ANKFN1: variants seen among roughly 807,000 people sequenced by gnomAD.
ANKFN1 encodes the protein ankyrin repeat and fibronectin type-III domain-containing protein 1.
In ANKFN1, 74 loss-of-function variants were observed where a neutral mutation model predicts 108.7. The observed-to-expected ratio is 0.68, with a 90% confidence interval of 0.56 to 0.83. The LOEUF (loss-of-function observed/expected upper bound fraction) is 0.83, where lower values mean the gene tolerates loss of function less well. Ranked by LOEUF, ANKFN1 falls within the 40% of genes least tolerant of loss-of-function variation. The probability of loss-of-function intolerance (pLI) is 0.00; values close to 1 mark genes in which losing one functional copy is unlikely to be tolerated. For synonymous variants in ANKFN1, 547 were observed against 516.2 expected, an observed-to-expected ratio of 1.06 and a Z score of -0.81; for missense variants, 1,505 against 1,382.3, an observed-to-expected ratio of 1.09 and a Z score of -1.41.
chr17:56,497,915 G>T (rs2051251609), intron 19 of ANKFN1, among the ~76,000 whole-genome samples: 1 of 152,056 alleles, frequency 6.6e-6, no homozygotes. Flanking sequence ...TTAACCAACA[G>T]CCCCTCCTTG....
chr17:56,116,365 C>T (rs145132127), intron 4 of ANKFN1, among the ~76,000 whole-genome samples: 1 of 152,104 alleles, frequency 6.6e-6, no homozygotes, highest in South Asian at 2.1e-4. Context: ...AGTGGATAAA[C>T]AAAAGGTAGT....
At chr17:56,157,348 C>A (rs1022982124) in intron 1 of ANKFN1, among the ~76,000 whole-genome samples, 4 of 152,218 alleles carry the variant, frequency 2.6e-5, no homozygotes, top group African/African-American at 9.6e-5. Context: ...CTGACCACCA[C>A]AACTTGAATG....
In ANKFN1 at chr17:56,510,836, G is replaced by C. The variant is rs1477971226; in HGVS notation, c.3008G>C (p.Gly1003Ala). Residue 1003 changes from glycine (G) to alanine (A), a missense_variant, in exon 21 of 21, where the codon GGC (glycine) becomes GCC (alanine). By Grantham distance (60) the Gly-to-Ala change is moderately conservative. Coordinates refer to ENST00000682825, the MANE Select transcript of ANKFN1 (RefSeq NM_001370326.1). The part of the protein sequence containing the change: ...PLGFLGKRKP[G>A]KHPHYGGFSR... Reference sequence around the variant, plus strand: ...GGCTTCCTGGGAAAGCGGAAGCCAGGCAAGCACCCCCACTATGGCGGCTTC... The same window carrying C: ...GGCTTCCTGGGAAAGCGGAAGCCAGCCAAGCACCCCCACTATGGCGGCTTC... The C allele has an allele frequency of 6.5e-7, 1 of 1,536,176 alleles. No homozygotes were observed. Among genetic ancestry groups the C allele is most frequent in the Admixed American group, 2.0e-5 (1 of 51,012 alleles).
intron 4 of ANKFN1, among the ~76,000 whole-genome samples, chr17:56,349,750 G>C (rs2046199241): frequency 6.6e-6 from 1 of 151,970 alleles, no homozygotes; most frequent in Non-Finnish European, 1.5e-5. Context: ...ACCCCAAAAT[G>C]TGTATATTTA....
chr17:56,304,713 A>G (rs1263999055), intron 3 of ANKFN1, among the ~76,000 whole-genome samples: 1 of 151,878 alleles, frequency 6.6e-6, no homozygotes, highest in Non-Finnish European at 1.5e-5. Context: ...TTGTGGTTCA[A>G]TTTGCATTCC....
intron 4 of ANKFN1, among the ~76,000 whole-genome samples, chr17:56,122,228 G>C (rs1906667730): frequency 6.6e-6 from 1 of 152,128 alleles, no homozygotes; most frequent in South Asian, 2.1e-4. Flanking sequence ...TTAACCATTG[G>C]AGTTAATAGA....
intron 8 of ANKFN1, among the ~76,000 whole-genome samples, chr17:56,406,914 A>T (rs1485479367): frequency 1.3e-5 from 2 of 152,200 alleles, no homozygotes. Flanking sequence ...GCCATGGTTC[A>T]TGTATCCACC....
At position 56,497,349 on chromosome 17, in the gene ANKFN1, T is replaced by C. The variant is rs142489978; in HGVS notation, c.2428-1533T>C. On this transcript the variant is annotated intron_variant, in intron 19 of 20. Coordinates refer to ENST00000682825, the MANE Select transcript of ANKFN1 (RefSeq NM_001370326.1). ...AAAGCCTGAAGCTCAATCTCATGCT[T>C]TCATCACTGGCCCTGAATACTCTGC... Among the ~76,000 whole-genome samples, 786 of 152,258 alleles carry C rather than the reference T, an allele frequency of 5.2e-3. 3 individuals carry two copies. Among genetic ancestry groups the C allele is most frequent in the Middle Eastern group, 0.01 (3 of 294 alleles).
chr17:56,394,260 A>T (rs1015921131), intron 8 of ANKFN1, among the ~76,000 whole-genome samples: 1 of 152,064 alleles, frequency 6.6e-6, no homozygotes, highest in Non-Finnish European at 1.5e-5. Context: ...TTCATCTTAC[A>T]CTATGGTGGC....
At chr17:56,420,235 C>G (rs948871304) in intron 8 of ANKFN1, among the ~76,000 whole-genome samples, 1 of 152,146 alleles carries the variant, frequency 6.6e-6, no homozygotes, top group African/African-American at 2.4e-5. Flanking sequence ...ACTAGAGAAC[C>G]TGCTGACTTA....
chr17:56,275,432 G>A (rs943665847), intron 3 of ANKFN1, among the ~76,000 whole-genome samples: 9 of 151,900 alleles, frequency 5.9e-5, no homozygotes, highest in Non-Finnish European at 1.2e-4. Flanking sequence ...TACCATAGAC[G>A]ATTAGGAGAA....
chr17:56,091,418 T>TCACACACACACACA (rs34588908), intron 4 of ANKFN1, among the ~76,000 whole-genome samples: 10 of 136,918 alleles, frequency 7.3e-5, no homozygotes, highest in South Asian at 2.5e-4. Flanking sequence ...TCCAAACAAA[T>TCACACACACACACA]CACACACACA....
intron 3 of ANKFN1, among the ~76,000 whole-genome samples, chr17:56,266,355 T>C (rs2043651372): frequency 6.6e-6 from 1 of 152,180 alleles, no homozygotes; most frequent in Admixed American, 6.6e-5. Context: ...ACCTGAGCCC[T>C]TCCATCCTGC....
chr17:56,467,981 G>T (rs2050190135), intron 15 of ANKFN1, among the ~76,000 whole-genome samples: 1 of 152,130 alleles, frequency 6.6e-6, no homozygotes, highest in African/African-American at 2.4e-5. Context: ...CCTCTTCTAT[G>T]TCCTTGCAGG....
chr17:56,387,679 T>A (rs1452355960), intron 8 of ANKFN1, among the ~76,000 whole-genome samples: 3 of 152,178 alleles, frequency 2.0e-5, no homozygotes, highest in Non-Finnish European at 4.4e-5. Context: ...GTACCCTGGT[T>A]TTTTTCCTTA....
intron 14 of ANKFN1, among the ~76,000 whole-genome samples, chr17:56,462,841 T>A (rs1019244637): frequency 6.6e-6 from 1 of 152,234 alleles, no homozygotes; most frequent in African/African-American, 2.4e-5. Flanking sequence ...TTGGCCAGAG[T>A]AGCCAATCTA....
intron 1 of ANKFN1, among the ~76,000 whole-genome samples, chr17:56,180,879 A>C (rs6505044): frequency 0.48 from 73,182 of 151,994 alleles, 17,789 homozygotes; most frequent in South Asian, 0.64. Flanking sequence ...ATGACACAGG[A>C]CTTGATGCTA....
At chr17:56,399,274 G>A (rs1191800480) in intron 8 of ANKFN1, among the ~76,000 whole-genome samples, 1 of 151,924 alleles carries the variant, frequency 6.6e-6, no homozygotes, top group Non-Finnish European at 1.5e-5. Flanking sequence ...AAACATGGGA[G>A]AAATCTTTTA....
chr17:56,331,742 C>T (rs182857678), intron 4 of ANKFN1, among the ~76,000 whole-genome samples: 1 of 152,238 alleles, frequency 6.6e-6, no homozygotes, highest in East Asian at 1.9e-4. Context: ...GCAGCTATTT[C>T]CTCAGATAAT....
Sources: allele counts gnomAD v4.1 joint callset (sites outside exome capture counted in the v4.1 genomes callset), GRCh38; gene constraint gnomAD v4.1.1; transcripts MANE v1.5; gene names NCBI Gene and HGNC (gene_info 2026-07-23, HGNC 2026-07-21).